Variants in TMEM132D observed in about 807,000 individuals in gnomAD.
TMEM132D encodes mature OL transmembrane protein.
Under a neutral mutation model 62.3 loss-of-function variants are expected in TMEM132D, and 21 were observed. The observed-to-expected ratio is 0.34, with a 90% CI of 0.24 to 0.49. The LOEUF (loss-of-function observed/expected upper bound fraction) is 0.49. Among genes scored for constraint, TMEM132D ranks in the 20% least tolerant of loss-of-function variants. The pLI is 0.99. For synonymous variants in TMEM132D, 621 were observed against 575.6 expected (o/e 1.08, Z -1.13); for missense variants, 1,346 against 1,402.8 (o/e 0.96, Z 0.65).
At chr12:129,152,840 T>C (rs961990800) in intron 5 of TMEM132D, among the ~76,000 whole-genome samples, 1 of 152,194 alleles carries the variant, frequency 6.6e-6, no homozygotes, top group African/African-American at 2.4e-5. Context: ...TCAACTGGTG[T>C]CCTGGTAGTT....
At chr12:129,123,013 C>T (rs1035634799) in intron 5 of TMEM132D, among the ~76,000 whole-genome samples, 1 of 152,094 alleles carries the variant, frequency 6.6e-6, no homozygotes, top group African/African-American at 2.4e-5. Flanking sequence ...GTAGATTTTT[C>T]TCAAATCTGA....
chr12:129,547,897 G>A (rs1054351507), intron 2 of TMEM132D, among the ~76,000 whole-genome samples: 2 of 152,112 alleles, frequency 1.3e-5, no homozygotes, highest in Admixed American at 6.5e-5. Context: ...GCTAGTGGGC[G>A]GCCGACTCCA....
intron 3 of TMEM132D, among the ~76,000 whole-genome samples, chr12:129,400,493 G>C (rs1398252674): frequency 6.6e-6 from 1 of 152,126 alleles, no homozygotes; most frequent in Non-Finnish European, 1.5e-5. Flanking sequence ...GGGCTTTACT[G>C]GTCCAACCAG....
At chr12:129,684,035 T>C (rs1880847641) in intron 2 of TMEM132D, among the ~76,000 whole-genome samples, 1 of 152,192 alleles carries the variant, frequency 6.6e-6, no homozygotes, top group Admixed American at 6.5e-5. Flanking sequence ...CGTCAATGAC[T>C]GGATGTGGAC....
intron 2 of TMEM132D, among the ~76,000 whole-genome samples, chr12:129,665,579 A>G (rs773578980): frequency 1.6e-4 from 24 of 152,212 alleles, no homozygotes; most frequent in Non-Finnish European, 3.1e-4. Context: ...TCTTTCATAC[A>G]TGGAGTCACT....
intron 1 of TMEM132D, among the ~76,000 whole-genome samples, chr12:129,891,411 T>G (rs753032522): frequency 3.9e-5 from 6 of 152,210 alleles, no homozygotes; most frequent in Non-Finnish European, 5.9e-5. Context: ...CCTCTATTCA[T>G]GAAGACTTTT....
At chr12:129,269,091 G>A (rs778934239) in intron 4 of TMEM132D, among the ~76,000 whole-genome samples, 136 of 151,986 alleles carry the variant, frequency 8.9e-4, no homozygotes, top group Non-Finnish European at 1.6e-3. Context: ...AATGGGTGCA[G>A]CACACCAACA....
chr12:129,754,935 A>G (rs993140965), intron 1 of TMEM132D, among the ~76,000 whole-genome samples: 1 of 152,212 alleles, frequency 6.6e-6, no homozygotes. Flanking sequence ...GTTTGTCACC[A>G]CTACCACACG....
At chr12:129,327,022 G>A (rs372601081) in intron 4 of TMEM132D, among the ~76,000 whole-genome samples, 25 of 152,282 alleles carry the variant, frequency 1.6e-4, no homozygotes, top group South Asian at 6.2e-4. Context: ...ACACGTGGCC[G>A]TGTTGACAAC....
chr12:129,250,162 T>C (rs1880227179), intron 4 of TMEM132D, among the ~76,000 whole-genome samples: 1 of 152,000 alleles, frequency 6.6e-6, no homozygotes, highest in African/African-American at 2.4e-5. Flanking sequence ...GGGTAGCAAA[T>C]ACCCCAATTA....
At chr12:129,138,096 A>T (rs1876638413) in intron 5 of TMEM132D, among the ~76,000 whole-genome samples, 1 of 152,204 alleles carries the variant, frequency 6.6e-6, no homozygotes, top group African/African-American at 2.4e-5. Flanking sequence ...TAACATAAAT[A>T]AATGAGTTAA....
intron 2 of TMEM132D, among the ~76,000 whole-genome samples, chr12:129,598,783 A>G (rs1353612348): frequency 1.3e-5 from 2 of 152,296 alleles, no homozygotes; most frequent in Non-Finnish European, 2.9e-5. Flanking sequence ...TCTGCTTTTC[A>G]AGAATTCATT....
rs898607321 is a variant in TMEM132D, at chr12:129,877,054, G to T, written c.79+26207C>A. Among the ~76,000 whole-genome samples the T allele has an allele frequency of 4.6e-5, 7 of 152,054 alleles. No individual in the cohort carries two copies. In the East Asian group the frequency reaches 1.3e-3, roughly 29 times the overall value. On this transcript the variant is annotated intron_variant, in intron 1 of 8. Transcript: ENST00000422113. ...TGCAAATGCAACTTCTATCCGTGAA[G>T]AAGAGACTATATTCCCTCCCCAGCC...
rs148569618 is a variant in TMEM132D at position 129,890,030 on chromosome 12, T to C, written c.79+13231A>G. 1.9e-3 allele frequency among the ~76,000 whole-genome samples: 293 copies of C among 152,254 alleles called. 2 individuals carry two copies. Among genetic ancestry groups the C allele is most frequent in the African/African-American group, 6.8e-3 (281 of 41,564 alleles). On this transcript the variant is annotated intron_variant, in intron 1 of 8. Coordinates refer to ENST00000422113, the MANE Select transcript of TMEM132D (RefSeq NM_133448.3). Reference sequence around the variant, plus strand: ...CTAACGTGGCTTTTTGCAAGGTCAATAGTATCAAAAATCAACTTTAATAAG... The same window carrying C: ...CTAACGTGGCTTTTTGCAAGGTCAACAGTATCAAAAATCAACTTTAATAAG...
intron 3 of TMEM132D, among the ~76,000 whole-genome samples, chr12:129,370,280 T>C (rs774031914): frequency 3.9e-5 from 6 of 152,228 alleles, no homozygotes; most frequent in Non-Finnish European, 8.8e-5. Flanking sequence ...TCATCCTCTG[T>C]TGCCCTGGAG....
In TMEM132D at chr12:129,749,520, G is replaced by A. The variant is rs143745731; in HGVS notation, c.80-48822C>T. The stretch of plus-strand genomic sequence containing the variant: ...CACCCAGGCTCAAGTGCAGTGGCAC[G>A]ATCTCAGCTCACTGCAACCTCCACC... On this transcript the variant is annotated intron_variant, in intron 1 of 8. Coordinates refer to ENST00000422113, the MANE Select transcript of TMEM132D (RefSeq NM_133448.3). Among the ~76,000 whole-genome samples the A allele has an allele frequency of 2.8e-3, 420 of 148,770 alleles. 12 individuals are homozygous for A. Among genetic ancestry groups the A allele is most frequent in the Admixed American group, 0.025 (371 of 14,702 alleles).
intron 5 of TMEM132D, among the ~76,000 whole-genome samples, chr12:129,122,286 G>T (rs1876089935): frequency 6.6e-6 from 1 of 152,242 alleles, no homozygotes; most frequent in Non-Finnish European, 1.5e-5. Flanking sequence ...CATACCAGAT[G>T]CTGTGGGGGA....
At chr12:129,589,675 G>A (rs375339754) in intron 2 of TMEM132D, among the ~76,000 whole-genome samples, 3 of 152,170 alleles carry the variant, frequency 2.0e-5, no homozygotes, top group African/African-American at 7.2e-5. Flanking sequence ...TTGGCTGCTT[G>A]ATGACTTGTG....
intron 4 of TMEM132D, among the ~76,000 whole-genome samples, chr12:129,333,225 T>C (rs1189978547): frequency 6.6e-6 from 1 of 152,224 alleles, no homozygotes; most frequent in Non-Finnish European, 1.5e-5. Flanking sequence ...TGGGTATCAC[T>C]ATGCATAGCA....
Sources: allele counts gnomAD v4.1 joint callset (sites outside exome capture counted in the v4.1 genomes callset), GRCh38; gene constraint gnomAD v4.1.1; transcripts MANE v1.5; gene names NCBI Gene and HGNC (gene_info 2026-07-23, HGNC 2026-07-21).